TYW1: variants seen among roughly 807,000 people sequenced by gnomAD.
TYW1 encodes the protein S-adenosyl-L-methionine-dependent tRNA 4-demethylwyosine synthase TYW1.
A neutral mutation model predicts 96.2 loss-of-function variants in TYW1; 46 were observed. The observed-to-expected ratio is 0.48, with a 90% CI of 0.38 to 0.61. The LOEUF (loss-of-function observed/expected upper bound fraction) is 0.61. Among genes scored for constraint, TYW1 ranks in the 20% least tolerant of loss-of-function variants. TYW1 has a pLI of 0.00. For synonymous variants in TYW1, 274 were observed against 323.0 expected (o/e 0.85, Z 1.63); for missense variants, 684 against 909.6 (o/e 0.75, Z 3.19).
intron 3 of TYW1, among the ~76,000 whole-genome samples, chr7:67,006,516 T>G (rs1000580731): frequency 4.9e-5 from 7 of 141,916 alleles, no homozygotes; most frequent in African/African-American, 1.8e-4. Context: ...CTCGGCTCAC[T>G]GCGGCCTCTG....
intron 12 of TYW1, among the ~76,000 whole-genome samples, chr7:67,107,471 G>C (rs1013488039): frequency 6.6e-6 from 1 of 152,178 alleles, no homozygotes. Context: ...CAGAGAGGTG[G>C]CAAAAAGCTT....
chr7:67,100,720 C>T (rs1378296060), intron 12 of TYW1, among the ~76,000 whole-genome samples: 1 of 151,712 alleles, frequency 6.6e-6, no homozygotes, highest in East Asian at 1.9e-4. Flanking sequence ...AATAATAAGC[C>T]AGGCATGGTG....
chr7:67,163,465 T>G (rs1799224331), intron 13 of TYW1, among the ~76,000 whole-genome samples: 1 of 152,124 alleles, frequency 6.6e-6, no homozygotes, highest in Non-Finnish European at 1.5e-5. Context: ...GATATCTTCC[T>G]GCACACTAAC....
intron 9 of TYW1, 194 bp from the exon 10 acceptor site, chr7:67,067,091 C>T (rs2711912): frequency 1.7e-6 from 1 of 603,440 alleles, no homozygotes; most frequent in Non-Finnish European, 2.9e-6. Flanking sequence ...GTTTATTTCA[C>T]TGGGCTTTAG....
At chr7:67,035,057 G>A (rs1261352972) in intron 7 of TYW1, among the ~76,000 whole-genome samples, 1 of 151,604 alleles carries the variant, frequency 6.6e-6, no homozygotes, top group East Asian at 1.9e-4. Context: ...GAGATTGGAT[G>A]CATTTTGTGT....
At chr7:67,208,577 C>T (rs1312734082) in intron 15 of TYW1, among the ~76,000 whole-genome samples, 2 of 150,974 alleles carry the variant, frequency 1.3e-5, no homozygotes, top group Admixed American at 6.6e-5. Flanking sequence ...GTAGTCCCAG[C>T]TATTCAGGAG....
chr7:67,041,963 T>C (rs1466181757), intron 7 of TYW1, among the ~76,000 whole-genome samples: 1 of 149,090 alleles, frequency 6.7e-6, no homozygotes, highest in African/African-American at 2.4e-5. Context: ...TAATATATTT[T>C]TTATATAATA....
At chr7:67,145,613 G>C (rs1339615930) in intron 13 of TYW1, among the ~76,000 whole-genome samples, 1 of 152,180 alleles carries the variant, frequency 6.6e-6, no homozygotes, top group East Asian at 1.9e-4. Flanking sequence ...TCTTAGATCA[G>C]CCAGTGATAT....
intron 5 of TYW1, among the ~76,000 whole-genome samples, chr7:67,016,051 G>T (rs1005306438): frequency 6.6e-6 from 1 of 151,594 alleles, no homozygotes; most frequent in Non-Finnish European, 1.5e-5. Flanking sequence ...AAATTTTTTG[G>T]TTAGTTTTCC....
intron 8 of TYW1, among the ~76,000 whole-genome samples, chr7:67,053,602 A>T (rs1332753209): frequency 6.6e-6 from 1 of 151,232 alleles, no homozygotes; most frequent in Non-Finnish European, 1.5e-5. Context: ...CTGTTCTCAA[A>T]CTCCTGACCT....
At chr7:67,077,454 A>T (rs1343428324) in intron 10 of TYW1, among the ~76,000 whole-genome samples, 1 of 152,210 alleles carries the variant, frequency 6.6e-6, no homozygotes, top group Non-Finnish European at 1.5e-5. Flanking sequence ...ATGGAATCTC[A>T]TTGCGGTTTT....
chr7:67,017,433 T>C (rs1388402667), intron 5 of TYW1, among the ~76,000 whole-genome samples: 1 of 152,226 alleles, frequency 6.6e-6, no homozygotes, highest in Non-Finnish European at 1.5e-5. Context: ...AAATTACGAA[T>C]CTTGCCAAAT....
chr7:67,026,141 C>T (rs139312177), intron 7 of TYW1, among the ~76,000 whole-genome samples: 5,306 of 152,156 alleles, frequency 0.035, 270 homozygotes, highest in East Asian at 0.16. Flanking sequence ...GGTGCAATCT[C>T]GGCTCACTGC....
chr7:67,225,645 A>G (rs1049299363), intron 15 of TYW1, among the ~76,000 whole-genome samples: 4 of 152,110 alleles, frequency 2.6e-5, no homozygotes, highest in Non-Finnish European at 5.9e-5. Context: ...CACCCTCATC[A>G]GAGGCCTGAT....
intron 4 of TYW1, among the ~76,000 whole-genome samples, chr7:67,012,538 T>G (rs2129240518): frequency 6.6e-6 from 1 of 152,300 alleles, no homozygotes; most frequent in East Asian, 1.9e-4. Flanking sequence ...TAGCAAACTT[T>G]GATATTACTT....
chr7:67,167,918 A>G (rs35858773), intron 13 of TYW1, among the ~76,000 whole-genome samples: 1 of 151,268 alleles, frequency 6.6e-6, no homozygotes, highest in Non-Finnish European at 1.5e-5. Flanking sequence ...CCACGCCCAG[A>G]TCATTTTTGT....
At chr7:67,053,181 T>C (rs1002068413) in intron 8 of TYW1, among the ~76,000 whole-genome samples, 28 of 151,556 alleles carry the variant, frequency 1.8e-4, no homozygotes, top group Non-Finnish European at 3.2e-4. Flanking sequence ...AGACAAGAGC[T>C]GGCTCAATAT....
intron 3 of TYW1, among the ~76,000 whole-genome samples, chr7:67,006,298 T>C (rs767853487): frequency 2.0e-5 from 3 of 152,142 alleles, no homozygotes; most frequent in East Asian, 1.9e-4. Flanking sequence ...GCCCCTCCTT[T>C]GCCTTCCACC....
At position 67,009,279 on chromosome 7, in the gene TYW1, T is replaced by G. The variant is rs368695381; in HGVS notation, c.274-304T>G. Among the ~76,000 whole-genome samples, 14 of 152,278 alleles carry G rather than the reference T, an allele frequency of 9.2e-5. No homozygotes were observed. The South Asian group carries it at 2.9e-3, about 32-fold the overall frequency. On this transcript the variant is annotated intron_variant, in intron 3 of 15. Coordinates refer to ENST00000359626, the MANE Select transcript of TYW1 (RefSeq NM_018264.4). ...TCCCAAAGTGCTGGGATTATAGGCA[T>G]AAGCCATCTTGCCTGGCTGATATGT... is the stretch of plus-strand genomic sequence containing the variant.
Sources: gnomAD v4.1 joint callset for allele counts (sites outside exome capture counted in the v4.1 genomes callset) on GRCh38, gnomAD v4.1.1 for gene constraint, MANE v1.5 for transcripts, NCBI Gene and HGNC (gene_info 2026-07-23, HGNC 2026-07-21) for gene names.